ATP12A: variants seen among roughly 807,000 people sequenced by gnomAD.
ATP12A encodes the protein ATPase H+/K+ transporting non-gastric alpha2 subunit, also known as potassium-transporting ATPase alpha chain 2.
A neutral mutation model predicts 111.2 loss-of-function variants in ATP12A; 81 were observed. The ratio of observed to expected loss-of-function variants is 0.73; its 90% CI spans 0.61 to 0.88. The LOEUF (loss-of-function observed/expected upper bound fraction) is 0.88, where lower values mean the gene tolerates loss of function less well. ATP12A is among the 40% of genes least tolerant of loss of function. The pLI, the probability that ATP12A is intolerant of heterozygous loss-of-function variation, is 0.00. For synonymous variants in ATP12A, 498 were observed against 499.8 expected, an observed-to-expected ratio of 1.00 and a Z score of 0.05; for missense variants, 1,196 against 1,313.1, an observed-to-expected ratio of 0.91 and a Z score of 1.38.
rs1338281616 is a variant in ATP12A at position 24,692,598 on chromosome 13, T to C, written c.1238T>C (p.Phe413Ser). ...VAHLWFDNQI[F>S]VADTSEDHSN... is the part of the protein sequence containing the mutation. The stretch of plus-strand genomic sequence containing the variant: ...CATCTGTGGTTCGACAATCAGATCT[T>C]TGTGGCTGACACCAGTGAGGACCAT... Residue 413 changes from phenylalanine (F) to serine (S), a missense_variant, in exon 9 of 23, where the codon TTT becomes TCT. By Grantham distance (155) the Phe-to-Ser change is radical. Around this residue, in one of 3 missense-constraint regions of ATP12A, gnomAD observed 1,126 missense variants for 1,228.5 expected, o/e 0.92. Transcript: ENST00000381946. 6.2e-7 allele frequency: 1 copy of C among 1,613,864 alleles called. No homozygotes were observed. The highest frequency in any genetic ancestry group is 1.3e-5 in the African/African-American group (1 of 74,904).
At chr13:24,698,038 A>G (rs1566074266) in intron 11 of ATP12A, among the ~76,000 whole-genome samples, 1 of 151,688 alleles carries the variant, frequency 6.6e-6, no homozygotes, top group Non-Finnish European at 1.5e-5. Context: ...TTGTATATCG[A>G]TTTTTTTTGC....
In ATP12A at chr13:24,691,247, C is replaced by A; in HGVS notation, c.1065C>A (p.Val355=). The A allele has an allele frequency of 6.2e-7, 1 of 1,610,816 alleles. No individual in the cohort carries two copies. Among genetic ancestry groups the A allele is most frequent in the Non-Finnish European group, 8.5e-7 (1 of 1,178,632 alleles). The change falls in exon 8 of 23, where the codon GTC becomes GTA. Residue 355 remains valine (V), a synonymous_variant. Transcript: ENST00000381946. ...ANVPEGLLAT[V]TVTLSLTAKR... ...TGCCCGAGGGCCTCCTGGCCACTGT[C>A]ACTGTGAGTCCATGCTGTTAGACAG...
chr13:24,688,904 A>G (rs1334913370), intron 4 of ATP12A, among the ~76,000 whole-genome samples: 1 of 152,162 alleles, frequency 6.6e-6, no homozygotes, highest in Non-Finnish European at 1.5e-5. Context: ...AACAAGCTAC[A>G]TGTCATAGGA....
At chr13:24,688,249 C>T in intron 3 of ATP12A, 70 bp from the exon 4 acceptor site, 1 of 1,511,892 alleles carries the variant, frequency 6.6e-7, no homozygotes, top group Non-Finnish European at 8.9e-7. Flanking sequence ...GCAGCCCAAC[C>T]CCTGAGGGAG....
intron 2 of ATP12A, among the ~76,000 whole-genome samples, chr13:24,683,377 G>GTCCTTGGCAGATCTTAAAGCTC (rs1267902590): frequency 2.0e-5 from 3 of 152,186 alleles, no homozygotes; most frequent in Admixed American, 6.5e-5. Context: ...TGTCCCCACC[G>GTCCTTGGCAGATCTTAAAGCTC]TCCTTGGCAG....
intron 14 of ATP12A, among the ~76,000 whole-genome samples, chr13:24,705,870 C>T (rs1255595229): frequency 6.6e-6 from 1 of 152,112 alleles, no homozygotes; most frequent in African/African-American, 2.4e-5. Context: ...CAGGGGCTCT[C>T]ACTATGTTGC....
Position 24,690,405 on chromosome 13 carries a change from T to C in ATP12A, c.614T>C (p.Ile205Thr), listed in dbSNP as rs1422505719. The change falls in exon 6 of 23, where the codon ATT becomes ACT. Residue 205 changes from isoleucine to threonine, a missense_variant. By Grantham distance (89) the Ile-to-Thr change is moderately conservative (BLOSUM62 -1). Coordinates refer to ENST00000381946, the MANE Select transcript of ATP12A (RefSeq NM_001676.7). ...IPSEQLVVGD[I>T]VEVKGGDQIP... ...TCAGAGCAGCTGGTGGTGGGGGACA[T>C]TGTGGAGGTCAAAGGAGGAGACCAG... 6.2e-7 allele frequency: 1 copy of C among 1,612,184 alleles called. No individual in the cohort carries two copies. Among genetic ancestry groups the C allele is most frequent in the Admixed American group, 1.7e-5 (1 of 59,626 alleles).
chr13:24,702,054 G>C lies in ATP12A; in HGVS notation c.2001G>C (p.Val667=). The change falls in exon 14 of 23, where the codon GTG becomes GTC. Residue 667 remains valine (V), a synonymous_variant. Coordinates refer to ENST00000381946, the MANE Select transcript of ATP12A (RefSeq NM_001676.7). The part of the protein sequence containing the change: ...EDIAHRLNIA[V]EQVNKRDAKA... ...TTGCACATCGCCTCAACATTGCTGT[G>C]GAGCAAGTTAACAAACGGTAAGCAC... is the stretch of plus-strand genomic sequence containing the variant. 6.2e-7 allele frequency: 1 copy of C among 1,614,198 alleles called. No homozygotes were observed. Among genetic ancestry groups the C allele is most frequent in the Non-Finnish European group, 8.5e-7 (1 of 1,180,048 alleles).
chr13:24,688,389 A>T lies in ATP12A; in HGVS notation c.299A>T (p.Gln100Leu). ...DGPNSLTPPK[Q>L]TPEIVKFLKQ... Reference sequence around the variant, plus strand: ...CCCAACTCCCTCACCCCTCCCAAGCAGACGCCTGAGATCGTCAAGTTCCTC... The same window carrying T: ...CCCAACTCCCTCACCCCTCCCAAGCTGACGCCTGAGATCGTCAAGTTCCTC... Residue 100 changes from glutamine (Q) to leucine (L), a missense_variant, in exon 4 of 23, where the codon CAG (glutamine) becomes CTG (leucine). Gln to Leu is a moderately radical substitution (Grantham distance 113, BLOSUM62 -2). This residue lies in a region of ATP12A where 1,126 missense variants were observed against 1,228.5 expected (regional missense o/e 0.92). Transcript: ENST00000381946. 1 of 1,614,160 alleles carries T rather than the reference A, an allele frequency of 6.2e-7. No individual in the cohort carries two copies. Among genetic ancestry groups the T allele is most frequent in the Non-Finnish European group, 8.5e-7 (1 of 1,180,034 alleles).
At chr13:24,691,392 C>G in intron 8 of ATP12A, 142 bp downstream of exon 8, 9 of 1,057,248 alleles carry the variant, frequency 8.5e-6, no homozygotes, top group Non-Finnish European at 1.2e-5. Context: ...GAACATTCTG[C>G]ATAGACTGTT....
At chr13:24,682,243 GGT>G (rs1187724547) in intron 2 of ATP12A, among the ~76,000 whole-genome samples, 2 of 139,490 alleles carry the variant, frequency 1.4e-5, no homozygotes, top group Non-Finnish European at 3.1e-5. Context: ...TGGTATGTGT[GGT>G]GTGTGTGTAG....
chr13:24,692,489 G>C lies in ATP12A; in HGVS notation c.1129G>C (p.Glu377Gln). The change falls in exon 9 of 23, where the codon GAG (glutamate) becomes CAG (glutamine). Residue 377 changes from glutamate to glutamine, a missense_variant. Glu to Gln is a conservative substitution (Grantham distance 29). Around this residue, in one of 3 missense-constraint regions of ATP12A, gnomAD observed 1,126 missense variants for 1,228.5 expected, o/e 0.92. Transcript: ENST00000381946. ...GAAGAACTGCCTGGTGAAGAACCTGGAGGCTGTGGAGACCCTCGGCTCCAC... is the reference window on the plus strand; with the variant it reads ...GAAGAACTGCCTGGTGAAGAACCTGCAGGCTGTGGAGACCCTCGGCTCCAC... Reference protein sequence around the residue: ...AKKNCLVKNLEAVETLGSTSI... With the variant: ...AKKNCLVKNLQAVETLGSTSI... 1 of 1,614,090 alleles carries C rather than the reference G, an allele frequency of 6.2e-7. No individual in the cohort carries two copies. The highest frequency in any genetic ancestry group is 2.2e-5 in the East Asian group (1 of 44,890).
intron 2 of ATP12A, among the ~76,000 whole-genome samples, chr13:24,683,508 T>G (rs1949867502): frequency 6.6e-6 from 1 of 152,210 alleles, no homozygotes; most frequent in South Asian, 2.1e-4. Context: ...TTGGTTCTAG[T>G]GAGAAATCAG....
intron 4 of ATP12A, among the ~76,000 whole-genome samples, chr13:24,689,008 G>A (rs938975535): frequency 1.3e-5 from 2 of 152,082 alleles, no homozygotes; most frequent in African/African-American, 4.8e-5. Flanking sequence ...AGGGAGTGAC[G>A]GCAGAGGGGC....
At chr13:24,703,165 C>T (rs1032450066) in intron 14 of ATP12A, among the ~76,000 whole-genome samples, 1 of 152,102 alleles carries the variant, frequency 6.6e-6, no homozygotes, top group African/African-American at 2.4e-5. Context: ...AACTTTGGGG[C>T]TTGTTTATTT....
Position 24,690,458 on chromosome 13 carries a change from T to C in ATP12A, c.667T>C (p.Ser223Pro). The change falls in exon 6 of 23, where the codon TCT becomes CCT. Residue 223 changes from serine (S) to proline (P), a missense_variant. This residue lies in a region of ATP12A where 1,126 missense variants were observed against 1,228.5 expected (regional missense o/e 0.92). Coordinates refer to ENST00000381946, the MANE Select transcript of ATP12A (RefSeq NM_001676.7). ...CCCTGCAGACATCAGGGTGCTGTCTTCTCAGGGGTGTCGGGTAAGCGGCAA... is the reference window on the plus strand; with the variant it reads ...CCCTGCAGACATCAGGGTGCTGTCTCCTCAGGGGTGTCGGGTAAGCGGCAA... ...QIPADIRVLS[S>P]QGCRVDNSSL... 6.2e-7 allele frequency: 1 copy of C among 1,613,604 alleles called. No homozygotes were observed. Among genetic ancestry groups the C allele is most frequent in the East Asian group, 2.2e-5 (1 of 44,852 alleles).
At chr13:24,698,609 A>G in intron 11 of ATP12A, 49 bp from the exon 12 acceptor site, 2 of 1,568,118 alleles carry the variant, frequency 1.3e-6, no homozygotes, top group Non-Finnish European at 1.7e-6. Flanking sequence ...AGAAGAAGGA[A>G]TGCGTTTCAC....
chr13:24,692,698 C>A, intron 9 of ATP12A, 71 bp downstream of exon 9: 1 of 1,596,020 alleles, frequency 6.3e-7, no homozygotes, highest in Non-Finnish European at 8.6e-7. Flanking sequence ...GAGCACACAG[C>A]AGGGTCTGCA....
intron 3 of ATP12A, among the ~76,000 whole-genome samples, chr13:24,686,733 T>C (rs568744359): frequency 1.3e-5 from 2 of 150,506 alleles, no homozygotes; most frequent in Admixed American, 1.3e-4. Context: ...AGCGAGACTC[T>C]GTCGAAAGAA....
Sources: allele counts gnomAD v4.1 joint callset (sites outside exome capture counted in the v4.1 genomes callset), GRCh38; gene constraint gnomAD v4.1.1; regional missense constraint gnomAD v4.1.1; transcripts MANE v1.5; gene names NCBI Gene and HGNC (gene_info 2026-07-23, HGNC 2026-07-21).